The following GRID2 variants were observed in gnomAD, a reference collection of about 807,000 sequenced individuals.
GRID2 encodes the protein glutamate receptor ionotropic, delta-2.
A neutral mutation model predicts 114.8 loss-of-function variants in GRID2; 33 were observed. That is an observed-to-expected ratio of 0.29 (90% CI 0.22 to 0.38). The LOEUF is 0.38. GRID2 is among the 10% of genes least tolerant of loss of function. The pLI is 1.00. For synonymous variants in GRID2, 505 were observed against 449.9 expected, an observed-to-expected ratio of 1.12 and a Z score of -1.55; for missense variants, 1,184 against 1,257.7, an observed-to-expected ratio of 0.94 and a Z score of 0.89.
chr4:93,224,862 A>G, intron 7 of GRID2, 87 bp downstream of exon 7: 1 of 947,000 alleles, frequency 1.1e-6, no homozygotes, highest in Non-Finnish European at 1.6e-6. Flanking sequence ...TAATATTTCT[A>G]CAAATTCTAA....
At chr4:93,349,639 G>A (rs919080207) in intron 8 of GRID2, among the ~76,000 whole-genome samples, 4 of 151,984 alleles carry the variant, frequency 2.6e-5, no homozygotes, top group African/African-American at 9.7e-5. Context: ...TTACACAGGA[G>A]AAAATTTAAG....
chr4:93,480,068 A>T, intron 11 of GRID2, among the ~76,000 whole-genome samples: 1 of 152,158 alleles, frequency 6.6e-6, no homozygotes, highest in East Asian at 1.9e-4. Context: ...CAAAATATTT[A>T]AAACATTACA....
chr4:93,636,204 T>C (rs145815854), intron 14 of GRID2, among the ~76,000 whole-genome samples: 1 of 152,326 alleles, frequency 6.6e-6, no homozygotes, highest in African/African-American at 2.4e-5. Flanking sequence ...AAGCCCATGA[T>C]GCTGGACCAA....
chr4:92,394,917 T>C (rs1284924394), intron 1 of GRID2, among the ~76,000 whole-genome samples: 1 of 151,644 alleles, frequency 6.6e-6, no homozygotes, highest in Non-Finnish European at 1.5e-5. Flanking sequence ...TTATTTTTAG[T>C]CTTCCTACCA....
intron 2 of GRID2, among the ~76,000 whole-genome samples, chr4:92,996,269 G>T (rs1457780909): frequency 6.7e-6 from 1 of 150,132 alleles, no homozygotes; most frequent in Non-Finnish European, 1.5e-5. Context: ...CAGCCTCGTT[G>T]ACAGAACAAG....
chr4:93,728,729 A>C (rs1405285957), intron 14 of GRID2, among the ~76,000 whole-genome samples: 1 of 151,950 alleles, frequency 6.6e-6, no homozygotes, highest in Non-Finnish European at 1.5e-5. Flanking sequence ...TGATCCCTTT[A>C]CCATTATGTA....
chr4:93,696,618 T>A lies in GRID2; in HGVS notation c.2360+70183T>A, dbSNP rs115094192. ...GTGCACAACCTGCAGGTTAGTTACA[T>A]ATGTATTGTTTTAAAGCATTAGCGA... On this transcript the variant is annotated intron_variant, in intron 14 of 15. Transcript: ENST00000282020. Among the ~76,000 whole-genome samples, 404 of 152,332 alleles carry A rather than the reference T, an allele frequency of 2.7e-3. 4 individuals carry two copies. The highest frequency in any genetic ancestry group is 9.3e-3 in the African/African-American group (386 of 41,572).
In GRID2 at chr4:93,626,293, G is replaced by A. The variant is rs150846341; in HGVS notation, c.2218G>A (p.Val740Ile). The A allele has an allele frequency of 8.3e-4, 1,320 of 1,593,756 alleles. 5 individuals are homozygous for A. The African/African-American group carries it at 0.012, about 14-fold the overall frequency. Reference protein sequence around the residue: ...QKVKYGNYAFVWDAAVLEYVA... With the variant: ...QKVKYGNYAFIWDAAVLEYVA... Reference sequence around the variant, plus strand: ...GGTAAAATATGGAAATTATGCTTTCGTATGGGATGCAGCTGTATTGGAATA... The same window carrying A: ...GGTAAAATATGGAAATTATGCTTTCATATGGGATGCAGCTGTATTGGAATA... Residue 740 changes from valine (V) to isoleucine (I), a missense_variant, in exon 14 of 16, where the codon GTA (valine) becomes ATA (isoleucine). By Grantham distance (29) the Val-to-Ile change is conservative (BLOSUM62 3). This residue lies in a region of GRID2 where 717 missense variants were observed against 796.9 expected (regional missense o/e 0.90). Coordinates refer to ENST00000282020, the MANE Select transcript of GRID2 (RefSeq NM_001510.4).
chr4:93,624,424 C>T (rs1250011215), intron 13 of GRID2, among the ~76,000 whole-genome samples: 1 of 152,036 alleles, frequency 6.6e-6, no homozygotes, highest in Non-Finnish European at 1.5e-5. Flanking sequence ...AATGGCAATG[C>T]AAAGAGAGTT....
chr4:93,730,150 A>T (rs1025990078), intron 14 of GRID2, among the ~76,000 whole-genome samples: 1 of 152,200 alleles, frequency 6.6e-6, no homozygotes, highest in African/African-American at 2.4e-5. Flanking sequence ...GAGATTAGGG[A>T]TGGCAATAAA....
chr4:93,559,412 G>A (rs1439612430), intron 13 of GRID2, among the ~76,000 whole-genome samples: 1 of 152,028 alleles, frequency 6.6e-6, no homozygotes, highest in Non-Finnish European at 1.5e-5. Flanking sequence ...TCAAAAAGTA[G>A]GTAAAGGATA....
At chr4:92,874,423 A>T (rs1354336686) in intron 2 of GRID2, among the ~76,000 whole-genome samples, 1 of 152,166 alleles carries the variant, frequency 6.6e-6, no homozygotes, top group African/African-American at 2.4e-5. Flanking sequence ...AACAAATATA[A>T]TATTATCGTC....
intron 1 of GRID2, among the ~76,000 whole-genome samples, chr4:92,501,277 C>G (rs2149123288): frequency 6.6e-6 from 1 of 152,266 alleles, no homozygotes. Flanking sequence ...GCCAGAGCAT[C>G]TGTGAGGGGG....
chr4:92,559,269 A>G (rs1258080326), intron 1 of GRID2, among the ~76,000 whole-genome samples: 2 of 152,176 alleles, frequency 1.3e-5, no homozygotes, highest in East Asian at 3.8e-4. Context: ...ATATTGATAA[A>G]CTGGTTACTG....
intron 8 of GRID2, among the ~76,000 whole-genome samples, chr4:93,296,587 A>G (rs374190240): frequency 5.6e-4 from 85 of 152,302 alleles, no homozygotes; most frequent in African/African-American, 1.8e-3. Context: ...CTTCTTTTAC[A>G]TGCAAACATC....
intron 2 of GRID2, among the ~76,000 whole-genome samples, chr4:93,055,701 C>T (rs1727163532): frequency 6.6e-6 from 1 of 151,706 alleles, no homozygotes; most frequent in South Asian, 2.1e-4. Context: ...TTTTATTGAA[C>T]AAATTGATTT....
At chr4:93,151,819 A>G (rs1736765503) in intron 4 of GRID2, among the ~76,000 whole-genome samples, 1 of 152,150 alleles carries the variant, frequency 6.6e-6, no homozygotes, top group African/African-American at 2.4e-5. Context: ...TTTTAATCCA[A>G]TAATCACATT....
At chr4:93,717,996 C>T (rs903370180) in intron 14 of GRID2, among the ~76,000 whole-genome samples, 4 of 152,162 alleles carry the variant, frequency 2.6e-5, no homozygotes, top group Non-Finnish European at 4.4e-5. Flanking sequence ...TGACTTACGC[C>T]TGTAATCCCA....
intron 14 of GRID2, among the ~76,000 whole-genome samples, chr4:93,700,584 C>T (rs1275698955): frequency 6.6e-6 from 1 of 152,116 alleles, no homozygotes; most frequent in Non-Finnish European, 1.5e-5. Flanking sequence ...AATGAGGTAA[C>T]TCTAGAAAGA....
Sources: gnomAD v4.1 joint callset for allele counts (sites outside exome capture counted in the v4.1 genomes callset) on GRCh38, gnomAD v4.1.1 for gene constraint, gnomAD v4.1.1 regional missense constraint, MANE v1.5 for transcripts, NCBI Gene and HGNC (gene_info 2026-07-23, HGNC 2026-07-21) for gene names.